Variants in DHX37 observed in about 807,000 individuals in gnomAD.
DHX37 encodes the protein probable ATP-dependent RNA helicase DHX37.
A neutral mutation model predicts 134.3 loss-of-function variants in DHX37; 52 were observed. The observed-to-expected ratio is 0.39, with a 90% CI of 0.31 to 0.49. The LOEUF (loss-of-function observed/expected upper bound fraction) is 0.49, where lower values mean the gene tolerates loss of function less well. Ranked by LOEUF, DHX37 falls within the 20% of genes least tolerant of loss-of-function variation. DHX37 has a pLI of 0.93. For synonymous variants in DHX37, 634 were observed against 670.7 expected (o/e 0.95, Z 0.85); for missense variants, 1,344 against 1,580.8 (o/e 0.85, Z 2.54).
rs962899313 is a variant in DHX37 at position 124,986,539 on chromosome 12, T to C, written c.107-274A>G. Among the ~76,000 whole-genome samples the C allele has an allele frequency of 3.3e-5, 5 of 151,826 alleles. No individual in the cohort carries two copies. The East Asian group carries it at 5.9e-4, about 18-fold the overall frequency. ...CAGCCTGGCCTATGTGGCGAAACCC[T>C]GTCTCTACTAAAAATACAAAAATTA... On this transcript the variant is annotated intron_variant, in intron 1 of 26. Coordinates refer to ENST00000308736, the MANE Select transcript of DHX37 (RefSeq NM_032656.4).
intron 15 of DHX37, among the ~76,000 whole-genome samples, chr12:124,961,209 T>C (rs118100189): frequency 1.3e-4 from 10 of 76,966 alleles, no homozygotes; most frequent in African/African-American, 3.5e-4. Flanking sequence ...CATACACGTG[T>C]GCACGCACGC....
rs1188276319 is a variant in DHX37 at position 124,977,263 on chromosome 12, G to C, written c.887+79C>G. 3 of 1,441,350 alleles carry C rather than the reference G, an allele frequency of 2.1e-6. No individual in the cohort carries two copies. The East Asian group carries it at 7.5e-5, about 36-fold the overall frequency. The allele number at this position is 1,441,350 out of a possible 1,614,324, so 89.3% of individuals were successfully genotyped here. The stretch of plus-strand genomic sequence containing the variant: ...CAGATCCAGGATTGGATCCTGGGGA[G>C]CCCAGGCTCTTATCGACCTTTCAGG... On this transcript the variant is annotated intron_variant, in intron 5 of 26. Coordinates refer to ENST00000308736, the MANE Select transcript of DHX37 (RefSeq NM_032656.4).
intron 15 of DHX37, among the ~76,000 whole-genome samples, chr12:124,964,064 G>A (rs4076776): frequency 0.087 from 13,121 of 151,398 alleles, 716 homozygotes; most frequent in Non-Finnish European, 0.13. Context: ...GCGTGGTGGC[G>A]CACACCAGTA....
At chr12:124,986,353 T>G in intron 1 of DHX37, 88 bp from the exon 2 acceptor site, 1 of 1,446,692 alleles carries the variant, frequency 6.9e-7, no homozygotes, top group South Asian at 1.3e-5. Context: ...CATGGGGGCC[T>G]CCTGAGTCTG....
At position 124,988,904 on chromosome 12, in the gene DHX37, G is replaced by T; in HGVS notation, c.106+13C>A. On this transcript the variant is annotated intron_variant, in intron 1 of 26. Transcript: ENST00000308736. ...AATCTCCGAAATCCAGCCCCGGTCC[G>T]GGGATGTCTTACCCTCCAGTTCCAG... 7.6e-7 allele frequency: 1 copy of T among 1,310,696 alleles called. No homozygotes were observed. The highest frequency in any genetic ancestry group is 2.8e-5 in the South Asian group (1 of 36,076). 81.2% of individuals were successfully genotyped at this position (1,310,696 alleles called of 1,614,324 possible).
chr12:124,980,420 A>C lies in DHX37; in HGVS notation c.738+70T>G. 6.5e-7 allele frequency: 1 copy of C among 1,527,398 alleles called. No individual in the cohort carries two copies. Among genetic ancestry groups the C allele is most frequent in the Non-Finnish European group, 8.8e-7 (1 of 1,132,746 alleles). The allele number at this position is 1,527,398 out of a possible 1,614,324, so 94.6% of individuals were successfully genotyped here. On this transcript the variant is annotated intron_variant, in intron 4 of 26. Transcript: ENST00000308736. The surrounding 1 kb of genome is among the most constrained non-coding windows in gnomAD (Gnocchi z 5.3). The stretch of plus-strand genomic sequence containing the variant: ...AGAAGGGATGCCCTTGCCCCACTTC[A>C]CCAGGACGCCCTCTGTGCGCCCCTT...
At chr12:124,961,264 A>ACATACACGCGTGCACGCACACACACACT (rs529082353) in intron 15 of DHX37, among the ~76,000 whole-genome samples, 4,682 of 125,124 alleles carry the variant, frequency 0.037, 109 homozygotes, top group East Asian at 0.081. Context: ...ACGCACACAC[A>ACATACACGCGTGCACGCACACACACACT]TACACGCGTG....
Position 124,968,891 on chromosome 12 carries a change from G to A in DHX37, c.1269C>T (p.Phe423=), listed in dbSNP as rs112583947. The change falls in exon 9 of 27, where the codon TTC becomes TTT. Residue 423 remains phenylalanine, a synonymous_variant. Coordinates refer to ENST00000308736, the MANE Select transcript of DHX37 (RefSeq NM_032656.4). The part of the protein sequence containing the change: ...VEDFTQNPRL[F]AKPPPVIKVE... Reference sequence around the variant, plus strand: ...CCTTGATGACCGGCGGCGGCTTGGCGAAGAGCCGTGGGTTCTGGGTGAAGT... The same window carrying A: ...CCTTGATGACCGGCGGCGGCTTGGCAAAGAGCCGTGGGTTCTGGGTGAAGT... 47,445 of 1,614,080 alleles carry A rather than the reference G, an allele frequency of 0.029. 917 individuals are homozygous for A. The highest frequency in any genetic ancestry group is 0.036 in the Non-Finnish European group (42,322 of 1,180,022).
In DHX37 at chr12:124,965,804, G is replaced by C. The variant is rs377030242; in HGVS notation, c.1599C>G (p.Pro533=). 1.9e-5 allele frequency: 30 copies of C among 1,613,308 alleles called. No individual in the cohort carries two copies. The highest frequency in any genetic ancestry group is 1.3e-4 in the South Asian group (12 of 90,882). Residue 533 remains proline (P), a synonymous_variant, in exon 13 of 27, where the codon CCC becomes CCG. Transcript: ENST00000308736. ...CCGAGTAATGATCCAAGTTGATCTG[G>C]GGCAGCACCTACGGCGAACAAGACA... is the stretch of plus-strand genomic sequence containing the variant. ...RAKKARAEVL[P]QINLDHYSVL...
rs778430577 is a variant in DHX37 at position 124,950,558 on chromosome 12, C to T, written c.2984-8G>A. ...CCTCCACGCTAGAGACGCCTGGGGG[C>T]CGGGGGAGGAAGCTGGGGTTACAGC... On this transcript the variant is annotated splice_region_variant and splice_polypyrimidine_tract_variant and intron_variant, in intron 22 of 26. Transcript: ENST00000308736. The T allele has an allele frequency of 1.3e-6, 2 of 1,545,938 alleles. No homozygotes were observed. Among genetic ancestry groups the T allele is most frequent in the Non-Finnish European group, 1.7e-6 (2 of 1,147,098 alleles).
chr12:124,966,648 G>T, intron 12 of DHX37, 145 bp downstream of exon 12: 1 of 815,336 alleles, frequency 1.2e-6, no homozygotes, highest in Non-Finnish European at 1.9e-6. Flanking sequence ...ACAGGCATGA[G>T]CCACTGTGCC....
chr12:124,954,369 T>C (rs1306672626), intron 18 of DHX37, 158 bp from the exon 19 acceptor site: 5 of 727,878 alleles, frequency 6.9e-6, no homozygotes, highest in Admixed American at 6.3e-5. Flanking sequence ...AATTCACCAT[T>C]GGCAGCCACC....
chr12:124,951,189 G>A (rs1486098065), intron 21 of DHX37, among the ~76,000 whole-genome samples: 2 of 151,994 alleles, frequency 1.3e-5, no homozygotes, highest in Non-Finnish European at 2.9e-5. Flanking sequence ...GCTGAGGCAG[G>A]AGAATTGCTT....
intron 15 of DHX37, among the ~76,000 whole-genome samples, chr12:124,962,398 G>A (rs1250216044): frequency 2.0e-5 from 3 of 152,132 alleles, no homozygotes; most frequent in Middle Eastern, 3.4e-3. Context: ...GCTAATGCCT[G>A]CAATCCCAGC....
rs111696813 is a variant in DHX37, at chr12:124,965,652, G to A, written c.1735+16C>T. 1.1e-5 allele frequency: 17 copies of A among 1,588,674 alleles called. No individual in the cohort carries two copies. The highest frequency in any genetic ancestry group is 4.0e-5 in the African/African-American group (3 of 74,538). On this transcript the variant is annotated intron_variant, in intron 13 of 26. Coordinates refer to ENST00000308736, the MANE Select transcript of DHX37 (RefSeq NM_032656.4). Reference sequence around the variant, plus strand: ...GAGATAATGAACATGAGCAGGAATCGGTGCTCGGGCCACACCTCCATCTTG... The same window carrying A: ...GAGATAATGAACATGAGCAGGAATCAGTGCTCGGGCCACACCTCCATCTTG...
At chr12:124,965,580 C>G (rs1484606498) in intron 13 of DHX37, 88 bp downstream of exon 13, 1 of 1,463,486 alleles carries the variant, frequency 6.8e-7, no homozygotes, top group Non-Finnish European at 9.0e-7. Context: ...TGCTAGAACC[C>G]CGGCCCCCGG....
intron 23 of DHX37, 28 bp from the exon 24 acceptor site, chr12:124,950,271 G>A: frequency 1.2e-6 from 2 of 1,612,568 alleles, no homozygotes; most frequent in Non-Finnish European, 1.7e-6. Context: ...GTGAGACAGG[G>A]ACCCTCCTGC....
At chr12:124,967,344 A>G (rs1024699266) in intron 10 of DHX37, 126 bp from the exon 11 acceptor site, 2 of 1,038,644 alleles carry the variant, frequency 1.9e-6, no homozygotes, top group Non-Finnish European at 2.8e-6. Flanking sequence ...ACAGGAGTAC[A>G]CAGACATAGA....
intron 7 of DHX37, 128 bp from the exon 8 acceptor site, chr12:124,971,543 T>A: frequency 7.0e-7 from 1 of 1,433,664 alleles, no homozygotes. Context: ...AGAGGTGAGC[T>A]GCTCAACTCA....
Sources: gnomAD v4.1 joint callset for allele counts (sites outside exome capture counted in the v4.1 genomes callset) on GRCh38, gnomAD v4.1.1 for gene constraint, Gnocchi (gnomAD v3.1) non-coding constraint, MANE v1.5 for transcripts, NCBI Gene and HGNC (gene_info 2026-07-23, HGNC 2026-07-21) for gene names.